SCML4: variants seen among roughly 807,000 people sequenced by gnomAD.
SCML4 encodes sex comb on midleg-like protein 4.
A neutral mutation model predicts 41.1 loss-of-function variants in SCML4; 34 were observed. The ratio of observed to expected loss-of-function variants is 0.83; its 90% CI spans 0.63 to 1.10. SCML4 has a LOEUF of 1.10. Among genes scored for constraint, SCML4 ranks in the 50% least tolerant of loss-of-function variants. The pLI, the probability that SCML4 is intolerant of heterozygous loss-of-function variation, is 0.00. For synonymous variants in SCML4, 214 were observed against 220.9 expected (o/e 0.97, Z 0.28); for missense variants, 522 against 534.1 (o/e 0.98, Z 0.22).
the SCML4 span, among the ~76,000 whole-genome samples, chr6:107,845,314 C>G: frequency 1.3e-5 from 2 of 152,166 alleles, no homozygotes; most frequent in Non-Finnish European, 2.9e-5. Context: ...GCTTAGAGGT[C>G]AAACAGTCTG....
chr6:107,766,143 G>A (rs1055208547), intron 2 of SCML4, among the ~76,000 whole-genome samples: 12 of 152,150 alleles, frequency 7.9e-5, no homozygotes, highest in Admixed American at 7.9e-4. Flanking sequence ...GCCCAGGTGG[G>A]CGGATCACCT....
chr6:107,802,085 C>G (rs1351547441), intron 1 of SCML4, among the ~76,000 whole-genome samples: 1 of 152,076 alleles, frequency 6.6e-6, no homozygotes, highest in African/African-American at 2.4e-5. Context: ...CATTTCTTTA[C>G]TCAACAAATA....
upstream of SCML4, among the ~76,000 whole-genome samples, chr6:107,824,507 TGTGTGTGTG>T (rs1785172983): frequency 7.5e-6 from 1 of 133,972 alleles, no homozygotes. Context: ...TGTGTGTGTG[TGTGTGTGTG>T]TTTTGTGTTT....
chr6:107,716,862 C>T (rs1774857775), intron 6 of SCML4, among the ~76,000 whole-genome samples: 3 of 152,246 alleles, frequency 2.0e-5, no homozygotes, highest in Admixed American at 1.3e-4. Flanking sequence ...AAACGGAAAC[C>T]TCTTTCAGAG....
intron 1 of SCML4, among the ~76,000 whole-genome samples, chr6:107,781,368 C>T (rs796825230): frequency 3.9e-5 from 6 of 152,118 alleles, no homozygotes; most frequent in South Asian, 4.1e-4. Context: ...TTCCCCAAGC[C>T]GGGCGTAGTG....
At chr6:107,839,043 T>C in the SCML4 span, among the ~76,000 whole-genome samples, 1 of 152,154 alleles carries the variant, frequency 6.6e-6, no homozygotes, top group African/African-American at 2.4e-5. Flanking sequence ...CTCATGCCTG[T>C]AATCTCAGTA....
chr6:107,815,091 T>C (rs1784466846), intron 1 of SCML4, among the ~76,000 whole-genome samples: 1 of 152,242 alleles, frequency 6.6e-6, no homozygotes, highest in South Asian at 2.1e-4. Flanking sequence ...ACCATCTTTT[T>C]TCTAAGCCTT....
the SCML4 span, among the ~76,000 whole-genome samples, chr6:107,830,695 T>C: frequency 6.6e-6 from 1 of 152,220 alleles, no homozygotes; most frequent in Non-Finnish European, 1.5e-5. Flanking sequence ...AACTGATTCC[T>C]TTCTCCCACA....
In SCML4 at chr6:107,742,096, A is replaced by T. The variant is rs552020607; in HGVS notation, c.682+2853T>A. On this transcript the variant is annotated intron_variant, in intron 5 of 7. Transcript: ENST00000369020. ...TTTAACAAAGAGATTGAAATAATTA[A>T]AAAAAATCAAACAGAAATATTCAAA... is the stretch of plus-strand genomic sequence containing the variant. Among the ~76,000 whole-genome samples, 651 of 152,320 alleles carry T rather than the reference A, an allele frequency of 4.3e-3. 9 individuals are homozygous for T. In the East Asian group the frequency reaches 0.063, roughly 15 times the overall value.
chr6:107,820,095 C>T (rs529833836), intron 1 of SCML4, among the ~76,000 whole-genome samples: 4 of 152,358 alleles, frequency 2.6e-5, no homozygotes, highest in East Asian at 1.9e-4. Flanking sequence ...CCACCCCATC[C>T]GCCTGAAGGC....
intron 5 of SCML4, among the ~76,000 whole-genome samples, chr6:107,734,984 T>G (rs2114462498): frequency 6.6e-6 from 1 of 152,268 alleles, no homozygotes; most frequent in East Asian, 1.9e-4. Context: ...CAAGAAATTC[T>G]CCTCCCTCAG....
chr6:107,741,094 C>T lies in SCML4; in HGVS notation c.682+3855G>A, dbSNP rs201941139. On this transcript the variant is annotated intron_variant, in intron 5 of 7. Transcript: ENST00000369020. ...TGAGTGAAACTGAAAGTTTCGAGGCCGACTTCAAGTTCCAAACTGGTGGCA... is the reference window on the plus strand; with the variant it reads ...TGAGTGAAACTGAAAGTTTCGAGGCTGACTTCAAGTTCCAAACTGGTGGCA... Among the ~76,000 whole-genome samples, 6 of 152,054 alleles carry T rather than the reference C, an allele frequency of 3.9e-5. No homozygotes were observed. In the East Asian group the frequency reaches 5.8e-4, roughly 15 times the overall value.
At chr6:107,729,183 A>G (rs1427436984) in intron 5 of SCML4, among the ~76,000 whole-genome samples, 1 of 152,186 alleles carries the variant, frequency 6.6e-6, no homozygotes, top group Non-Finnish European at 1.5e-5. Context: ...GTTTAAAACG[A>G]CAGAAATTTA....
chr6:107,749,532 T>C, intron 3 of SCML4, 152 bp downstream of exon 3: 1 of 882,192 alleles, frequency 1.1e-6, no homozygotes, highest in Non-Finnish European at 1.8e-6. Context: ...TCAAAGACTC[T>C]GGTCATCCTG....
At chr6:107,765,344 C>G (rs1779949079) in intron 2 of SCML4, among the ~76,000 whole-genome samples, 1 of 152,200 alleles carries the variant, frequency 6.6e-6, no homozygotes, top group South Asian at 2.1e-4. Flanking sequence ...GGGCTGGAGC[C>G]GGCTTGTACT....
intron 5 of SCML4, among the ~76,000 whole-genome samples, chr6:107,740,995 A>G (rs1011082938): frequency 6.6e-6 from 1 of 152,176 alleles, no homozygotes; most frequent in Non-Finnish European, 1.5e-5. Context: ...GAAGCCAACC[A>G]TGCCCTTCTT....
At chr6:107,756,613 A>T (rs887090058) in intron 2 of SCML4, among the ~76,000 whole-genome samples, 2 of 152,176 alleles carry the variant, frequency 1.3e-5, no homozygotes, top group Non-Finnish European at 2.9e-5. Flanking sequence ...TATTGACTTT[A>T]TTTAATAATG....
At chr6:107,806,262 C>T (rs984429544) in intron 1 of SCML4, among the ~76,000 whole-genome samples, 1 of 152,054 alleles carries the variant, frequency 6.6e-6, no homozygotes, top group Non-Finnish European at 1.5e-5. Flanking sequence ...AGCACATGCT[C>T]ATCTGCTCCT....
chr6:107,820,814 G>A (rs1210625813), intron 1 of SCML4, among the ~76,000 whole-genome samples: 2 of 152,092 alleles, frequency 1.3e-5, no homozygotes, highest in African/African-American at 2.4e-5. Context: ...CTGCGCTCTT[G>A]CAAATGCAGA....
Sources: gnomAD v4.1 joint callset for allele counts (sites outside exome capture counted in the v4.1 genomes callset) on GRCh38, gnomAD v4.1.1 for gene constraint, MANE v1.5 for transcripts, NCBI Gene and HGNC (gene_info 2026-07-23, HGNC 2026-07-21) for gene names.